APLP2: variants seen among roughly 807,000 people sequenced by gnomAD.
APLP2 encodes CDEI box-binding protein.
Under a neutral mutation model 89.9 loss-of-function variants are expected in APLP2, and 53 were observed. That is an observed-to-expected ratio of 0.59 (90% CI 0.47 to 0.74). APLP2 has a LOEUF of 0.74. Among genes scored for constraint, APLP2 ranks in the 30% least tolerant of loss-of-function variants. The pLI, the probability that APLP2 is intolerant of heterozygous loss-of-function variation, is 0.00. For missense variants in APLP2, 973 were observed against 975.9 expected (o/e 1.00, Z 0.04); for synonymous variants, 372 against 348.6 (o/e 1.07, Z -0.75).
chr11:130,143,493 C>G lies in APLP2; in HGVS notation c.*45C>G. 9 of 1,513,516 alleles carry G rather than the reference C, an allele frequency of 5.9e-6. No homozygotes were observed. The highest frequency in any genetic ancestry group is 8.3e-6 in the Non-Finnish European group (9 of 1,090,242). 93.8% of individuals were successfully genotyped at this position (1,513,516 alleles called of 1,614,324 possible). ...CCCTGGCGGAGGGATGCAGGTGGGC[C>G]GGAAGATCCCACGATTCCGATCGAC... is the stretch of plus-strand genomic sequence containing the variant. On this transcript the variant is annotated 3_prime_UTR_variant, in exon 17 of 17. Transcript: ENST00000338167.
chr11:130,132,282 A>T (rs537455998), intron 11 of APLP2, among the ~76,000 whole-genome samples: 8 of 152,338 alleles, frequency 5.3e-5, no homozygotes, highest in African/African-American at 1.9e-4. Flanking sequence ...GGCAAATATA[A>T]AATTAAATTG....
rs546716908 is a variant in APLP2, at chr11:130,114,061, G to A, written c.403+3400G>A. The stretch of plus-strand genomic sequence containing the variant: ...TTAAAAAGCAAGGAAATTCTCCTAC[G>A]TAACCGTGGTATAATCATCAAAAAT... On this transcript the variant is annotated intron_variant, in intron 3 of 16. Transcript: ENST00000338167. Among the ~76,000 whole-genome samples, 80 of 152,168 alleles carry A rather than the reference G, an allele frequency of 5.3e-4. 3 individuals carry two copies. The South Asian group carries it at 0.017, about 32-fold the overall frequency.
At chr11:130,078,082 C>G (rs1942441295) in intron 1 of APLP2, among the ~76,000 whole-genome samples, 1 of 152,022 alleles carries the variant, frequency 6.6e-6, no homozygotes. Context: ...GCTCCTCTGA[C>G]TTTATGGTAT....
chr11:130,120,763 A>G lies in APLP2; in HGVS notation c.461A>G (p.Lys154Arg). The change falls in exon 4 of 17, where the codon AAA becomes AGA. Residue 154 changes from lysine (K) to arginine (R), a missense_variant. Coordinates refer to ENST00000338167, the MANE Select transcript of APLP2 (RefSeq NM_001142276.2). ...CCAGAAAAGTGCCAGTTTTTCCACAAAGAGCGGATGGAGGTGTGTGAGAAT... is the reference window on the plus strand; with the variant it reads ...CCAGAAAAGTGCCAGTTTTTCCACAGAGAGCGGATGGAGGTGTGTGAGAAT... Reference protein sequence around the residue: ...LVPEKCQFFHKERMEVCENHQ... With the variant: ...LVPEKCQFFHRERMEVCENHQ... The G allele has an allele frequency of 6.2e-7, 1 of 1,613,974 alleles. No individual in the cohort carries two copies. The highest frequency in any genetic ancestry group is 8.5e-7 in the Non-Finnish European group (1 of 1,179,890).
intron 1 of APLP2, among the ~76,000 whole-genome samples, chr11:130,078,156 T>G (rs1942455285): frequency 6.6e-6 from 1 of 150,802 alleles, no homozygotes; most frequent in Admixed American, 6.6e-5. Context: ...TGTAGTTCAG[T>G]TTTTCTTTCT....
At chr11:130,073,624 C>T (rs113565976) in intron 1 of APLP2, among the ~76,000 whole-genome samples, 8,953 of 152,192 alleles carry the variant, frequency 0.059, 278 homozygotes, top group Non-Finnish European at 0.073. Flanking sequence ...GGGTGGATCA[C>T]GAGGTCAGGA....
At chr11:130,113,533 A>G (rs1284236762) in intron 3 of APLP2, among the ~76,000 whole-genome samples, 3 of 152,200 alleles carry the variant, frequency 2.0e-5, no homozygotes, top group Non-Finnish European at 4.4e-5. Flanking sequence ...ACATAAGCAC[A>G]GTTGCCTGAG....
At chr11:130,094,251 C>G (rs1396576949) in intron 1 of APLP2, among the ~76,000 whole-genome samples, 1 of 151,908 alleles carries the variant, frequency 6.6e-6, no homozygotes, top group Non-Finnish European at 1.5e-5. Flanking sequence ...CGGGGTTTCT[C>G]CATGTTGGTC....
At chr11:130,116,862 G>A (rs1351335844) in intron 3 of APLP2, among the ~76,000 whole-genome samples, 2 of 152,074 alleles carry the variant, frequency 1.3e-5, no homozygotes, top group Non-Finnish European at 2.9e-5. Context: ...AGGCCTGGTG[G>A]CTTATGCCTG....
intron 3 of APLP2, 63 bp from the exon 4 acceptor site, chr11:130,120,643 T>C: frequency 8.3e-7 from 1 of 1,198,316 alleles, no homozygotes; most frequent in Admixed American, 1.7e-5. Flanking sequence ...TAAACTTCAG[T>C]GAGGGGCATT....
At chr11:130,071,021 A>G (rs7112159) in intron 1 of APLP2, among the ~76,000 whole-genome samples, 29,683 of 152,124 alleles carry the variant, frequency 0.2, 5,753 homozygotes, top group African/African-American at 0.49. Flanking sequence ...GGAGACGGCG[A>G]GCTTGATCTT....
At chr11:130,127,912 A>G (rs964178449) in intron 9 of APLP2, 72 bp downstream of exon 9, 13 of 1,353,788 alleles carry the variant, frequency 9.6e-6, no homozygotes, top group African/African-American at 8.6e-5. Context: ...CCCATTCCCA[A>G]CGAAATTAGG....
intron 3 of APLP2, among the ~76,000 whole-genome samples, chr11:130,116,764 G>A (rs764125349): frequency 2.6e-4 from 40 of 152,162 alleles, no homozygotes; most frequent in East Asian, 5.8e-4. Flanking sequence ...GAGCCCCTGC[G>A]TCCAGACATC....
intron 2 of APLP2, 165 bp downstream of exon 2, chr11:130,109,767 C>G: frequency 1.5e-6 from 1 of 664,912 alleles, no homozygotes; most frequent in South Asian, 2.6e-5. Context: ...TGACTGAGAC[C>G]TCTCAAAGGC....
At chr11:130,086,998 C>G (rs1177345451) in intron 1 of APLP2, among the ~76,000 whole-genome samples, 1 of 151,986 alleles carries the variant, frequency 6.6e-6, no homozygotes, top group Non-Finnish European at 1.5e-5. Context: ...AAAACAAAAC[C>G]CTGTTGGGCT....
intron 1 of APLP2, among the ~76,000 whole-genome samples, chr11:130,084,096 A>G (rs1397839316): frequency 1.3e-5 from 2 of 152,126 alleles, no homozygotes; most frequent in Non-Finnish European, 2.9e-5. Context: ...AATACAAAAA[A>G]TTAGCCAGGC....
intron 1 of APLP2, 52 bp downstream of exon 1, chr11:130,070,134 C>A: frequency 8.3e-7 from 1 of 1,208,862 alleles, no homozygotes; most frequent in Non-Finnish European, 1.1e-6. Flanking sequence ...GCCGGAGGAG[C>A]GCGGACTGCG....
rs552747587 is a variant in APLP2 at position 130,114,508 on chromosome 11, A to G, written c.403+3847A>G. Among the ~76,000 whole-genome samples the G allele has an allele frequency of 7.2e-5, 11 of 152,324 alleles. No homozygotes were observed. The East Asian group carries it at 1.2e-3, about 16-fold the overall frequency. ...GGTATCTACATTCATTTGTCTTACTATGTACACATTGTCTGCATTTGGCCA... is the reference window on the plus strand; with the variant it reads ...GGTATCTACATTCATTTGTCTTACTGTGTACACATTGTCTGCATTTGGCCA... On this transcript the variant is annotated intron_variant, in intron 3 of 16. Transcript: ENST00000338167.
rs1591744713 is a variant in APLP2 at position 130,070,517 on chromosome 11, G to T, written c.105+435G>T. The T allele has an allele frequency of 6.5e-6, 8 of 1,239,334 alleles. No individual in the cohort carries two copies. The East Asian group carries it at 2.4e-4, about 37-fold the overall frequency. 76.8% of individuals were successfully genotyped at this position (1,239,334 alleles called of 1,614,324 possible). ...CGGACCCCGTACGCTCCCTCGCGCG[G>T]CACCGGGGCCTCGGCTCCGGGCCTC... On this transcript the variant is annotated intron_variant, in intron 1 of 16. Transcript: ENST00000338167.
Sources: allele counts gnomAD v4.1 joint callset (sites outside exome capture counted in the v4.1 genomes callset), GRCh38; gene constraint gnomAD v4.1.1; transcripts MANE v1.5; gene names NCBI Gene and HGNC (gene_info 2026-07-23, HGNC 2026-07-21).